The following PEAK1 variants were observed in gnomAD, a reference collection of about 807,000 sequenced individuals.
PEAK1 encodes inactive tyrosine-protein kinase PEAK1.
Under a neutral mutation model 124.7 loss-of-function variants are expected in PEAK1, and 54 were observed. That is an observed-to-expected ratio of 0.43 (90% CI 0.35 to 0.54). PEAK1 has a LOEUF of 0.54. Among genes scored for constraint, PEAK1 ranks in the 20% least tolerant of loss-of-function variants. The probability of loss-of-function intolerance (pLI) is 0.01; values close to 1 mark genes in which losing one functional copy is unlikely to be tolerated. For synonymous variants in PEAK1, 719 were observed against 760.0 expected (o/e 0.95, Z 0.89); for missense variants, 2,046 against 2,134.5 (o/e 0.96, Z 0.82).
intron 2 of PEAK1, among the ~76,000 whole-genome samples, chr15:77,338,310 A>C (rs2066320983): frequency 6.6e-6 from 1 of 152,174 alleles, no homozygotes; most frequent in African/African-American, 2.4e-5. Flanking sequence ...TCCCATCCCA[A>C]GCAAAATCAA....
At chr15:77,388,383 C>T (rs2070142735) in intron 1 of PEAK1, among the ~76,000 whole-genome samples, 1 of 152,156 alleles carries the variant, frequency 6.6e-6, no homozygotes, top group Admixed American at 6.6e-5. Flanking sequence ...AAATCTGTAT[C>T]AGAACTTTTA....
upstream of PEAK1, chr15:77,420,700 C>G (rs1350631653): frequency 2.5e-6 from 1 of 395,114 alleles, no homozygotes; most frequent in Non-Finnish European, 4.5e-6. Flanking sequence ...TAGTCCTTCG[C>G]CGCATTGGGG....
intron 2 of PEAK1, among the ~76,000 whole-genome samples, chr15:77,328,224 A>G (rs1194274593): frequency 8.5e-5 from 13 of 152,196 alleles, no homozygotes; most frequent in Non-Finnish European, 1.9e-4. Context: ...TCTACCTTAT[A>G]TAGTTGTGAG....
intron 1 of PEAK1, chr15:77,371,554 T>G (rs918874064): frequency 1.3e-6 from 1 of 782,436 alleles, no homozygotes; most frequent in Non-Finnish European, 1.5e-6. Context: ...CATCATGACA[T>G]TTTTTTCTAA....
chr15:77,220,152 G>GTGC (rs985145674), intron 6 of PEAK1, among the ~76,000 whole-genome samples: 9 of 152,056 alleles, frequency 5.9e-5, no homozygotes, highest in African/African-American at 2.2e-4. Context: ...GAGTAAAAGT[G>GTGC]TGCTCCTCAA....
At chr15:77,307,853 C>A (rs1287773118) in intron 2 of PEAK1, among the ~76,000 whole-genome samples, 1 of 151,966 alleles carries the variant, frequency 6.6e-6, no homozygotes, top group African/African-American at 2.4e-5. Flanking sequence ...AGTATATAGG[C>A]TGGGGTATTT....
chr15:77,209,072 C>G (rs1356538658), intron 6 of PEAK1, among the ~76,000 whole-genome samples: 1 of 152,102 alleles, frequency 6.6e-6, no homozygotes, highest in Non-Finnish European at 1.5e-5. Flanking sequence ...CAACTACTTA[C>G]TGGCATAATG....
chr15:77,319,687 T>C (rs1453048055), intron 2 of PEAK1, among the ~76,000 whole-genome samples: 3 of 152,172 alleles, frequency 2.0e-5, no homozygotes, highest in African/African-American at 7.2e-5. Flanking sequence ...AATAAAAATA[T>C]TGAATGTGGA....
At chr15:77,292,128 T>A (rs948539988) in intron 2 of PEAK1, among the ~76,000 whole-genome samples, 1 of 152,184 alleles carries the variant, frequency 6.6e-6, no homozygotes, top group African/African-American at 2.4e-5. Flanking sequence ...ATTCTTGTTA[T>A]CTGTGGTAGT....
chr15:77,276,807 TA>T (rs911293077), intron 5 of PEAK1, among the ~76,000 whole-genome samples: 47 of 152,136 alleles, frequency 3.1e-4, no homozygotes, highest in Admixed American at 5.9e-4. Flanking sequence ...TTAATACACA[TA>T]AAAATATATA....
intron 2 of PEAK1, among the ~76,000 whole-genome samples, chr15:77,311,685 C>CAAAAAAAAAAAAAAAA (rs11296386): frequency 1.0e-4 from 9 of 85,840 alleles, no homozygotes; most frequent in Non-Finnish European, 1.7e-4. Context: ...CCAACCCCCA[C>CAAAAAAAAAAAAAAAA]AAAAAAAAAA....
intron 2 of PEAK1, among the ~76,000 whole-genome samples, chr15:77,320,625 T>G (rs1171473622): frequency 6.6e-6 from 1 of 152,216 alleles, no homozygotes; most frequent in African/African-American, 2.4e-5. Flanking sequence ...CATTTCTCTG[T>G]GCCAAAGTTT....
intron 6 of PEAK1, among the ~76,000 whole-genome samples, chr15:77,201,582 T>C (rs1345938782): frequency 2.6e-5 from 4 of 152,028 alleles, no homozygotes; most frequent in African/African-American, 9.7e-5. Flanking sequence ...TTTCCAAACA[T>C]CACAGGCCAA....
chr15:77,297,344 AATC>A lies in PEAK1; in HGVS notation c.-602-10843_-602-10841del, dbSNP rs571324608. 1.5e-3 allele frequency among the ~76,000 whole-genome samples: 232 copies of A among 151,966 alleles called. 10 individuals are homozygous for A. Among genetic ancestry groups the A allele is most frequent in the African/African-American group, 5.5e-3 (226 of 41,256 alleles). On this transcript the variant is annotated intron_variant, in intron 2 of 9. Transcript: ENST00000682557. ...CTCCAAGCTGAAAATTTAAAAAATG[AATC>A]TTCTTATAAACTTGTGTTGGCAAAG...
intron 2 of PEAK1, among the ~76,000 whole-genome samples, chr15:77,310,503 T>G (rs2064371767): frequency 6.6e-6 from 1 of 152,148 alleles, no homozygotes; most frequent in Admixed American, 6.5e-5. Context: ...CCTAGGGTGC[T>G]GACAAGAGCC....
intron 6 of PEAK1, among the ~76,000 whole-genome samples, chr15:77,194,118 T>C (rs2057990366): frequency 6.6e-6 from 1 of 152,176 alleles, no homozygotes; most frequent in Non-Finnish European, 1.5e-5. Flanking sequence ...TATCAAAACA[T>C]TGGCAGACAT....
At chr15:77,251,718 G>T (rs535996684) in intron 6 of PEAK1, among the ~76,000 whole-genome samples, 3 of 152,254 alleles carry the variant, frequency 2.0e-5, no homozygotes, top group African/African-American at 7.2e-5. Flanking sequence ...GGGGATGTCA[G>T]GGGGGACAGC....
chr15:77,366,442 T>C (rs2141626083), intron 1 of PEAK1, among the ~76,000 whole-genome samples: 1 of 152,290 alleles, frequency 6.6e-6, no homozygotes, highest in South Asian at 2.1e-4. Flanking sequence ...ATCTAGGCTA[T>C]ACTGACAGCT....
intron 6 of PEAK1, among the ~76,000 whole-genome samples, chr15:77,228,476 G>A (rs1296864130): frequency 6.6e-6 from 1 of 152,064 alleles, no homozygotes; most frequent in Non-Finnish European, 1.5e-5. Flanking sequence ...ACCTGCAAGG[G>A]CCCTTAATGT....
Sources: allele counts gnomAD v4.1 joint callset (sites outside exome capture counted in the v4.1 genomes callset), GRCh38; gene constraint gnomAD v4.1.1; transcripts MANE v1.5; gene names NCBI Gene and HGNC (gene_info 2026-07-23, HGNC 2026-07-21).